IGF2R: variants seen among roughly 807,000 people sequenced by gnomAD.
IGF2R encodes cation-independent mannose-6-phosphate receptor.
In IGF2R, 91 loss-of-function variants were observed where a neutral mutation model predicts 270.6. The observed-to-expected ratio is 0.34, with a 90% CI of 0.28 to 0.40. The LOEUF (loss-of-function observed/expected upper bound fraction) is 0.40. IGF2R is among the 10% of genes least tolerant of loss of function. The pLI is 1.00. For missense variants in IGF2R, 2,805 were observed against 3,188.3 expected (o/e 0.88, Z 2.90); for synonymous variants, 1,316 against 1,258.9 (o/e 1.05, Z -0.96).
In IGF2R at chr6:160,010,859, A is replaced by T. The variant is rs879543012; in HGVS notation, c.513+74A>T. 3 of 856,894 alleles carry T rather than the reference A, an allele frequency of 3.5e-6. No homozygotes were observed. In the Admixed American group the frequency reaches 6.6e-5, roughly 19 times the overall value. 53.1% of individuals were successfully genotyped at this position (856,894 alleles called of 1,614,324 possible). On this transcript the variant is annotated intron_variant, in intron 4 of 47. Transcript: ENST00000356956. ...ACTTTATCTTTCAAATACTGATTCT[A>T]ACCTTTCCGGGTGAAAATCTTTTTT...
intron 10 of IGF2R, among the ~76,000 whole-genome samples, chr6:160,035,937 TGAG>T (rs1313453288): frequency 6.6e-6 from 1 of 152,116 alleles, no homozygotes; most frequent in African/African-American, 2.4e-5. Context: ...CACACTACAT[TGAG>T]GAGCATGCCA....
chr6:160,099,096 G>GCTAT (rs2114740473), intron 45 of IGF2R, among the ~76,000 whole-genome samples: 1 of 152,318 alleles, frequency 6.6e-6, no homozygotes, highest in East Asian at 1.9e-4. Flanking sequence ...GAAGGGGCAG[G>GCTAT]CTATGTGCCC....
chr6:160,048,240 C>G (rs901657852), intron 17 of IGF2R, 135 bp from the exon 18 acceptor site: 10 of 845,776 alleles, frequency 1.2e-5, no homozygotes, highest in Admixed American at 2.3e-5. Context: ...TGCGCCCAGA[C>G]AAGCCAACTC....
chr6:159,973,801 G>T lies in IGF2R; in HGVS notation c.149+4406G>T, dbSNP rs376868192. On this transcript the variant is annotated intron_variant, in intron 1 of 47. Coordinates refer to ENST00000356956, the MANE Select transcript of IGF2R (RefSeq NM_000876.4). ...TTCATAGAGAGAGGGATTTTTAAAA[G>T]ATGGGGCTGAGAGAAATAATTGAGA... Among the ~76,000 whole-genome samples the T allele has an allele frequency of 5.9e-5, 9 of 152,344 alleles. No individual in the cohort carries two copies. In the East Asian group the frequency reaches 1.7e-3, roughly 29 times the overall value.
rs1331229202 is a variant in IGF2R, at chr6:159,969,309, C to A, written c.63C>A (p.Arg21=). ...CCGCGCCCGCCCGCCGCCCGCAGCGCTCTCTGCTCCTGCTGCAGCTGCTGC... is the reference window on the plus strand; with the variant it reads ...CCGCGCCCGCCCGCCGCCCGCAGCGATCTCTGCTCCTGCTGCAGCTGCTGC... The part of the protein sequence containing the change: ...LGPAPARRPQ[R]SLLLLQLLLL... Residue 21 remains arginine (R), a synonymous_variant, in exon 1 of 48, where the codon CGC becomes CGA. Transcript: ENST00000356956. 6 of 1,276,796 alleles carry A rather than the reference C, an allele frequency of 4.7e-6. No individual in the cohort carries two copies. In the African/African-American group the frequency reaches 9.3e-5, roughly 20 times the overall value. 79.1% of individuals were successfully genotyped at this position (1,276,796 alleles called of 1,614,324 possible). A position where few individuals can be genotyped will look rare whatever the true frequency, so the allele number is the denominator to read the frequency against.
At position 160,045,679 on chromosome 6, in the gene IGF2R, A is replaced by T. The variant is rs552401436; in HGVS notation, c.1766-66A>T. The T allele has an allele frequency of 9.4e-5, 149 of 1,584,368 alleles. No individual in the cohort carries two copies. The African/African-American group carries it at 1.8e-3, about 19-fold the overall frequency. On this transcript the variant is annotated intron_variant, in intron 13 of 47. Coordinates refer to ENST00000356956, the MANE Select transcript of IGF2R (RefSeq NM_000876.4). ...CTTCCAAGTCTACTTCTAGCAGAGAAGAATGAGGTAAGATATTTTAGGAAT... is the reference window on the plus strand; with the variant it reads ...CTTCCAAGTCTACTTCTAGCAGAGATGAATGAGGTAAGATATTTTAGGAAT...
At chr6:160,009,541 C>G (rs1451067696) in intron 3 of IGF2R, among the ~76,000 whole-genome samples, 2 of 151,940 alleles carry the variant, frequency 1.3e-5, no homozygotes, top group African/African-American at 4.8e-5. Context: ...TAGAGATACC[C>G]ACATCTATTT....
intron 4 of IGF2R, among the ~76,000 whole-genome samples, chr6:160,015,219 A>C (rs1479468106): frequency 6.6e-6 from 1 of 152,252 alleles, no homozygotes; most frequent in Non-Finnish European, 1.5e-5. Context: ...TCTAAAAGAT[A>C]AAATTTTGGG....
chr6:160,062,063 A>G, intron 25 of IGF2R, 135 bp downstream of exon 25: 1 of 741,312 alleles, frequency 1.3e-6, no homozygotes, highest in South Asian at 1.9e-5. Flanking sequence ...CTAGGGTTTG[A>G]CGAGAATGCA....
chr6:160,045,620 C>T (rs1222129577), intron 13 of IGF2R, 125 bp from the exon 14 acceptor site: 2 of 1,150,294 alleles, frequency 1.7e-6, no homozygotes, highest in Non-Finnish European at 1.3e-6. Context: ...GTTTTTTGAC[C>T]CTTCTATGCA....
At chr6:159,983,328 C>CAA (rs1318591093) in intron 1 of IGF2R, among the ~76,000 whole-genome samples, 1 of 152,162 alleles carries the variant, frequency 6.6e-6, no homozygotes, top group Non-Finnish European at 1.5e-5. Context: ...TGTGTGCTTC[C>CAA]TTCTAATTGG....
At chr6:160,072,067 C>G (rs200144324) in intron 32 of IGF2R, 31 bp downstream of exon 32, 16 of 1,613,282 alleles carry the variant, frequency 9.9e-6, no homozygotes, top group Non-Finnish European at 1.3e-5. Context: ...TTAACCCCAG[C>G]GCAGGTGAGA....
intron 4 of IGF2R, among the ~76,000 whole-genome samples, chr6:160,019,761 C>T (rs1474598278): frequency 6.6e-6 from 1 of 152,122 alleles, no homozygotes; most frequent in African/African-American, 2.4e-5. Flanking sequence ...AATTCAACAT[C>T]CCTTAATGAA....
At chr6:160,005,689 A>T (rs542362286) in intron 2 of IGF2R, 1 of 153,150 alleles carries the variant, frequency 6.5e-6, no homozygotes. Flanking sequence ...TGAACTTGCC[A>T]GGAAACACCG....
chr6:159,978,310 T>TC (rs1783724843), intron 1 of IGF2R, among the ~76,000 whole-genome samples: 1 of 151,720 alleles, frequency 6.6e-6, no homozygotes, highest in African/African-American at 2.4e-5. Context: ...TCACTCAGAT[T>TC]CCCCCAAACA....
chr6:160,088,554 C>T (rs936008514), intron 42 of IGF2R, among the ~76,000 whole-genome samples: 3 of 152,182 alleles, frequency 2.0e-5, no homozygotes. Context: ...TTCAAGTTTT[C>T]CCGGCCACAT....
chr6:160,041,897 GGTGTT>G (rs2115243349), intron 11 of IGF2R, among the ~76,000 whole-genome samples: 1 of 152,320 alleles, frequency 6.6e-6, no homozygotes, highest in South Asian at 2.1e-4. Flanking sequence ...GCTGAGGACT[GGTGTT>G]GCCGCATCCA....
intron 1 of IGF2R, among the ~76,000 whole-genome samples, chr6:159,984,991 G>T (rs1583242303): frequency 6.6e-6 from 1 of 152,132 alleles, no homozygotes; most frequent in East Asian, 1.9e-4. Context: ...ATCCGAAACC[G>T]TATTCCTGGT....
At chr6:160,086,686 A>C (rs930062564) in intron 41 of IGF2R, among the ~76,000 whole-genome samples, 6 of 152,230 alleles carry the variant, frequency 3.9e-5, no homozygotes, top group African/African-American at 1.4e-4. Context: ...TTTACACAGA[A>C]GCCCAATATT....
Sources: gnomAD v4.1 joint callset for allele counts (sites outside exome capture counted in the v4.1 genomes callset) on GRCh38, gnomAD v4.1.1 for gene constraint, MANE v1.5 for transcripts, NCBI Gene and HGNC (gene_info 2026-07-23, HGNC 2026-07-21) for gene names.